The following SORT1 variants were observed in gnomAD, a reference collection of about 807,000 sequenced individuals.
The protein encoded by SORT1 is sortilin 1.
SORT1 carries 39 observed loss-of-function variants against 101.7 expected under a neutral mutation model. That is an observed-to-expected ratio of 0.38 (90% CI 0.30 to 0.50). The LOEUF (loss-of-function observed/expected upper bound fraction) is 0.50. Ranked by LOEUF, SORT1 falls within the 20% of genes least tolerant of loss-of-function variation. The pLI is 0.90. For synonymous variants in SORT1, 396 were observed against 393.7 expected (o/e 1.01, Z -0.07); for missense variants, 878 against 1,040.4 (o/e 0.84, Z 2.15).
intron 11 of SORT1, among the ~76,000 whole-genome samples, chr1:109,334,210 T>A (rs759692353): frequency 2.7e-4 from 41 of 152,186 alleles, no homozygotes; most frequent in South Asian, 6.2e-4. Flanking sequence ...TGGGTTCATA[T>A]TCAAGAGAAA....
intron 8 of SORT1, among the ~76,000 whole-genome samples, chr1:109,344,479 T>C (rs937749043): frequency 2.6e-5 from 4 of 152,164 alleles, no homozygotes; most frequent in African/African-American, 9.6e-5. Flanking sequence ...TTTGCTTGGA[T>C]TGATCGGGCA....
intron 10 of SORT1, among the ~76,000 whole-genome samples, 197 bp from the exon 11 acceptor site, chr1:109,336,543 C>T (rs1648842847): frequency 6.6e-6 from 1 of 152,230 alleles, no homozygotes; most frequent in Non-Finnish European, 1.5e-5. Context: ...TGCAGTGGTT[C>T]ATGCCTGTAA....
chr1:109,393,126 C>G, intron 1 of SORT1: 1 of 985,482 alleles, frequency 1.0e-6, no homozygotes, highest in Non-Finnish European at 1.2e-6. Flanking sequence ...ACACTCAGTC[C>G]TGTCAGCTTG....
intron 1 of SORT1, among the ~76,000 whole-genome samples, chr1:109,374,518 G>A (rs1460094046): frequency 1.3e-5 from 2 of 151,964 alleles, no homozygotes; most frequent in Non-Finnish European, 2.9e-5. Flanking sequence ...TTGAATCCAG[G>A]AGGCAGAGGT....
chr1:109,314,841 G>T, intron 17 of SORT1, 63 bp from the exon 18 acceptor site: 1 of 843,956 alleles, frequency 1.2e-6, no homozygotes, highest in Non-Finnish European at 2.0e-6. Context: ...CTGAGGTCAA[G>T]GCAGCCACTC....
At chr1:109,334,735 T>C (rs944816085) in intron 11 of SORT1, among the ~76,000 whole-genome samples, 3 of 152,214 alleles carry the variant, frequency 2.0e-5, no homozygotes, top group African/African-American at 7.2e-5. Context: ...TTGATTGTGA[T>C]AATCATTTCA....
chr1:109,342,036 G>A lies in SORT1; in HGVS notation c.1086C>T (p.Phe362=), dbSNP rs201074399. Residue 362 remains phenylalanine, a synonymous_variant, in exon 9 of 20, where the codon TTC becomes TTT. Coordinates refer to ENST00000256637, the MANE Select transcript of SORT1 (RefSeq NM_002959.7). ...SILAANDDMV[F]MHVDEPGDTG... is the part of the protein sequence containing the mutation. The stretch of plus-strand genomic sequence containing the variant: ...TACCTCCAGGTTCATCTACATGCAT[G>A]AATACCATGTCATCATTTGCTGCCA... 6.2e-7 allele frequency: 1 copy of A among 1,613,696 alleles called. No individual in the cohort carries two copies. The highest frequency in any genetic ancestry group is 2.2e-5 in the East Asian group (1 of 44,880).
intron 1 of SORT1, among the ~76,000 whole-genome samples, chr1:109,390,108 G>C (rs1460791989): frequency 6.6e-6 from 1 of 152,022 alleles, no homozygotes; most frequent in Non-Finnish European, 1.5e-5. Flanking sequence ...ACATATCTTG[G>C]ATTTTCCTAC....
intron 6 of SORT1, among the ~76,000 whole-genome samples, chr1:109,347,863 G>A (rs752770851): frequency 7.2e-5 from 11 of 152,132 alleles, no homozygotes; most frequent in Non-Finnish European, 1.0e-4. Flanking sequence ...GGCATCTACC[G>A]GGTAGAGGCC....
At chr1:109,391,878 TA>T (rs1652936137) in intron 1 of SORT1, among the ~76,000 whole-genome samples, 1 of 152,154 alleles carries the variant, frequency 6.6e-6, no homozygotes, top group South Asian at 2.1e-4. Context: ...ACCAAGTTTT[TA>T]AAAATAGAAG....
Position 109,375,070 on chromosome 1 carries a change from AAC to A in SORT1, c.307-5483_307-5482del, listed in dbSNP as rs1651739217. 2.6e-5 allele frequency among the ~76,000 whole-genome samples: 4 copies of A among 152,378 alleles called. No homozygotes were observed. In the South Asian group the frequency reaches 8.3e-4, roughly 32 times the overall value. The stretch of plus-strand genomic sequence containing the variant: ...TACCAACAGAAACTATCCAAAGTGA[AAC>A]ACAGAGATAAAAAAAGACAAAAAAT... On this transcript the variant is annotated intron_variant, in intron 1 of 19. Coordinates refer to ENST00000256637, the MANE Select transcript of SORT1 (RefSeq NM_002959.7).
Position 109,322,702 on chromosome 1 carries a change from T to G in SORT1, c.2024+230A>C, listed in dbSNP as rs72646580. Among the ~76,000 whole-genome samples, 513 of 152,224 alleles carry G rather than the reference T, an allele frequency of 3.4e-3. 5 individuals carry two copies. Among genetic ancestry groups the G allele is most frequent in the South Asian group, 0.033 (157 of 4,816 alleles). ...GCGCCACCATGCCCTGCTAATTTTTTTTTGTTTGTTTGTTTTTTGTAGAGA... is the reference window on the plus strand; with the variant it reads ...GCGCCACCATGCCCTGCTAATTTTTGTTTGTTTGTTTGTTTTTTGTAGAGA... On this transcript the variant is annotated intron_variant, in intron 15 of 19. Transcript: ENST00000256637.
chr1:109,312,625 C>T lies in SORT1; in HGVS notation c.*1418G>A, dbSNP rs948114703. 2.6e-5 allele frequency: 4 copies of T among 152,632 alleles called. No homozygotes were observed. Among genetic ancestry groups the T allele is most frequent in the East Asian group, 3.9e-4 (2 of 5,186 alleles). 9.5% of individuals were successfully genotyped at this position (152,632 alleles called of 1,614,324 possible). On this transcript the variant is annotated 3_prime_UTR_variant, in exon 20 of 20. Coordinates refer to ENST00000256637, the MANE Select transcript of SORT1 (RefSeq NM_002959.7). Reference sequence around the variant, plus strand: ...ATAATCATTGGGAGAAACTGTGACCCGCACAGTAGCTACATTAAGACCAAA... The same window carrying T: ...ATAATCATTGGGAGAAACTGTGACCTGCACAGTAGCTACATTAAGACCAAA...
rs749427918 is a variant in SORT1, at chr1:109,340,708, C to T, written c.1264+16G>A. On this transcript the variant is annotated intron_variant, in intron 10 of 19. Coordinates refer to ENST00000256637, the MANE Select transcript of SORT1 (RefSeq NM_002959.7). ...CAGCTGAAGGCACAGTACACCACTG[C>T]GATGCCGAGACTCACCTTCGGAGAG... 5.6e-6 allele frequency: 9 copies of T among 1,613,564 alleles called. No homozygotes were observed. Among genetic ancestry groups the T allele is most frequent in the South Asian group, 5.5e-5 (5 of 91,070 alleles).
intron 1 of SORT1, chr1:109,393,204 A>C: frequency 3.0e-6 from 3 of 985,386 alleles, no homozygotes; most frequent in Non-Finnish European, 3.6e-6. Flanking sequence ...CCCATACAAC[A>C]CGGCCTCTCT....
rs1295160270 is a variant in SORT1, at chr1:109,321,011, T to C, written c.2024+1921A>G. Among the ~76,000 whole-genome samples, 7 of 152,294 alleles carry C rather than the reference T, an allele frequency of 4.6e-5. No homozygotes were observed. In the East Asian group the frequency reaches 1.4e-3, roughly 29 times the overall value. On this transcript the variant is annotated intron_variant, in intron 15 of 19. Transcript: ENST00000256637. ...CTGGAGTTGGGATGCCAGTTTCACATCCCAGCTCTGCCACTTCCCACGGGC... is the reference window on the plus strand; with the variant it reads ...CTGGAGTTGGGATGCCAGTTTCACACCCCAGCTCTGCCACTTCCCACGGGC...
Position 109,354,475 on chromosome 1 carries a change from T to C in SORT1, c.600A>G (p.Ser200=), listed in dbSNP as rs771394449. The change falls in exon 5 of 20, where the codon TCA becomes TCG. Residue 200 remains serine (S), a synonymous_variant. Transcript: ENST00000256637. ...GCACAAAATTCTTCGCAAAATCTGATGATCTAAAGATTCTTCCTCCACGAC... is the reference window on the plus strand; with the variant it reads ...GCACAAAATTCTTCGCAAAATCTGACGATCTAAAGATTCTTCCTCCACGAC... ...GGSRGGRIFR[S]SDFAKNFVQT... The C allele has an allele frequency of 2.5e-6, 4 of 1,613,412 alleles. No individual in the cohort carries two copies. Among genetic ancestry groups the C allele is most frequent in the East Asian group, 4.5e-5 (2 of 44,880 alleles).
chr1:109,350,566 C>T (rs1649897668), intron 6 of SORT1, among the ~76,000 whole-genome samples: 1 of 152,174 alleles, frequency 6.6e-6, no homozygotes, highest in African/African-American at 2.4e-5. Context: ...GAACTCTAGA[C>T]AAGAGGGTAA....
At chr1:109,326,510 C>CACATAT in intron 13 of SORT1, among the ~76,000 whole-genome samples, 1 of 132,688 alleles carries the variant, frequency 7.5e-6, no homozygotes, top group African/African-American at 2.9e-5. Flanking sequence ...TATATACACA[C>CACATAT]ATACACATAT....
Sources: gnomAD v4.1 joint callset for allele counts (sites outside exome capture counted in the v4.1 genomes callset) on GRCh38, gnomAD v4.1.1 for gene constraint, MANE v1.5 for transcripts, NCBI Gene and HGNC (gene_info 2026-07-23, HGNC 2026-07-21) for gene names.